Variants in ALDOB observed in about 807,000 individuals in gnomAD.
ALDOB encodes fructose-bisphosphate aldolase B.
Under a neutral mutation model 41.0 loss-of-function variants are expected in ALDOB, and 39 were observed. The ratio of observed to expected loss-of-function variants is 0.95; its 90% CI spans 0.74 to 1.24. The LOEUF (loss-of-function observed/expected upper bound fraction) is 1.24, where lower values mean the gene tolerates loss of function less well. ALDOB is among the 50% of genes most tolerant of loss of function. The pLI is 0.00. For missense variants in ALDOB, 530 were observed against 457.3 expected, an observed-to-expected ratio of 1.16 and a Z score of -1.45; for synonymous variants, 175 against 168.8, an observed-to-expected ratio of 1.04 and a Z score of -0.28.
intron 2 of ALDOB, 112 bp from the exon 3 acceptor site, chr9:101,430,078 T>G: frequency 1.0e-6 from 1 of 996,652 alleles, no homozygotes; most frequent in Non-Finnish European, 1.6e-6. Context: ...ACTTTCTTTT[T>G]TCAGATAGTC....
intron 8 of ALDOB, among the ~76,000 whole-genome samples, chr9:101,422,660 C>G (rs1831065587): frequency 6.6e-6 from 1 of 152,132 alleles, no homozygotes; most frequent in Non-Finnish European, 1.5e-5. Flanking sequence ...TACAAAAATA[C>G]AGTTAGGCAG....
chr9:101,425,684 A>G (rs1370641733), intron 6 of ALDOB, 57 bp from the exon 7 acceptor site: 8 of 1,581,692 alleles, frequency 5.1e-6, no homozygotes, highest in African/African-American at 1.3e-5. Flanking sequence ...GAGCCACTTG[A>G]CCTTGGCACA....
chr9:101,430,334 C>A (rs1376851390), intron 2 of ALDOB, among the ~76,000 whole-genome samples: 2 of 152,172 alleles, frequency 1.3e-5, no homozygotes, highest in East Asian at 1.9e-4. Flanking sequence ...GATTTTATGG[C>A]AGGCTGTGCA....
chr9:101,434,668 C>T (rs554209626), intron 1 of ALDOB, among the ~76,000 whole-genome samples: 26 of 152,232 alleles, frequency 1.7e-4, no homozygotes, highest in African/African-American at 5.3e-4. Context: ...TAGGGCAGTC[C>T]TAGGACAGCC....
At position 101,430,868 on chromosome 9, in the gene ALDOB, G is replaced by T; in HGVS notation, c.20C>A (p.Ala7Asp). The change falls in exon 2 of 9, where the codon GCC becomes GAC. Residue 7 changes from alanine to aspartate, a missense_variant. By Grantham distance (126) the Ala-to-Asp change is moderately radical (BLOSUM62 -2). Transcript: ENST00000647789. The stretch of plus-strand genomic sequence containing the variant: ...CTCCTTCTTCTGCTCCTGGGTGAGG[G>T]CTGGAAATCGGTGGGCCATGGTGAC... Reference protein sequence around the residue: MAHRFPALTQEQKKELS... With the variant: MAHRFPDLTQEQKKELS... The T allele has an allele frequency of 6.2e-7, 1 of 1,614,078 alleles. No homozygotes were observed. Among genetic ancestry groups the T allele is most frequent in the Admixed American group, 1.7e-5 (1 of 60,016 alleles).
chr9:101,425,715 G>T, intron 6 of ALDOB, 88 bp from the exon 7 acceptor site: 1 of 1,398,346 alleles, frequency 7.2e-7, no homozygotes, highest in Non-Finnish European at 1.0e-6. Context: ...AGGGAGGCAG[G>T]ATGAAGGAAT....
At chr9:101,429,174 T>G (rs969267037) in intron 3 of ALDOB, among the ~76,000 whole-genome samples, 2 of 151,580 alleles carry the variant, frequency 1.3e-5, no homozygotes, top group African/African-American at 4.8e-5. Flanking sequence ...CTTACTCTTT[T>G]TTTTTTTGAG....
Position 101,427,618 on chromosome 9 carries a change from C to T in ALDOB, c.404G>A (p.Cys135Tyr), listed in dbSNP as rs1446445760. ...IQGLDGLSER[C>Y]AQYKKDGVDF... ...AACACCATCTTTCTTGTACTGAGCACAGCGCTCTGAGAGGCCATCAAGCCC... is the reference window on the plus strand; with the variant it reads ...AACACCATCTTTCTTGTACTGAGCATAGCGCTCTGAGAGGCCATCAAGCCC... The change falls in exon 5 of 9, where the codon TGT becomes TAT. Residue 135 changes from cysteine (C) to tyrosine (Y), a missense_variant. Coordinates refer to ENST00000647789, the MANE Select transcript of ALDOB (RefSeq NM_000035.4). 4.3e-6 allele frequency: 7 copies of T among 1,613,996 alleles called. No individual in the cohort carries two copies. Among genetic ancestry groups the T allele is most frequent in the African/African-American group, 2.7e-5 (2 of 74,896 alleles).
At position 101,425,612 on chromosome 9, in the gene ALDOB, A is replaced by G. The variant is rs748157721; in HGVS notation, c.640T>C (p.Tyr214His). 3.7e-6 allele frequency: 6 copies of G among 1,614,114 alleles called. No individual in the cohort carries two copies. The highest frequency in any genetic ancestry group is 5.1e-6 in the Non-Finnish European group (6 of 1,180,020). The change falls in exon 7 of 9, where the codon TAC becomes CAC. Residue 214 changes from tyrosine (Y) to histidine (H), a missense_variant. By Grantham distance (83) the Tyr-to-His change is moderately conservative. Coordinates refer to ENST00000647789, the MANE Select transcript of ALDOB (RefSeq NM_000035.4). ...YVTEKVLAAV[Y>H]KALNDHHVYL... ...ACATGATGGTCATTCAGGGCCTTGT[A>G]GACAGCAGCCAGGACCTGAAGGACA...
intron 8 of ALDOB, among the ~76,000 whole-genome samples, chr9:101,422,932 C>T (rs556352453): frequency 6.6e-6 from 1 of 151,904 alleles, no homozygotes; most frequent in South Asian, 2.1e-4. Context: ...ACCAAAATCA[C>T]CTTCAGGTGA....
intron 8 of ALDOB, among the ~76,000 whole-genome samples, chr9:101,422,747 G>T (rs1389294220): frequency 6.6e-6 from 1 of 152,176 alleles, no homozygotes; most frequent in East Asian, 1.9e-4. Flanking sequence ...TTTTAAAATA[G>T]CTGGAAGAGA....
In ALDOB at chr9:101,430,764, T is replaced by G; in HGVS notation, c.112+12A>C. 6.3e-7 allele frequency: 1 copy of G among 1,592,312 alleles called. No homozygotes were observed. The highest frequency in any genetic ancestry group is 8.6e-7 in the Non-Finnish European group (1 of 1,160,048). ...TATGTTGTTATATGATGAGACTGCT[T>G]TTTACACTCACCTACAGATTCATCT... On this transcript the variant is annotated intron_variant, in intron 2 of 8. Coordinates refer to ENST00000647789, the MANE Select transcript of ALDOB (RefSeq NM_000035.4).
rs1831111884 is a variant in ALDOB at position 101,425,436 on chromosome 9, A to G, written c.799+17T>C. On this transcript the variant is annotated intron_variant, in intron 7 of 8. Coordinates refer to ENST00000647789, the MANE Select transcript of ALDOB (RefSeq NM_000035.4). Reference sequence around the variant, plus strand: ...TGAGGGCTAAGACCTTGAGTTAGAGAAGAAAGAAGGCCTTACCAGGAACAG... The same window carrying G: ...TGAGGGCTAAGACCTTGAGTTAGAGGAGAAAGAAGGCCTTACCAGGAACAG... 6.2e-7 allele frequency: 1 copy of G among 1,613,854 alleles called. No individual in the cohort carries two copies. The highest frequency in any genetic ancestry group is 1.7e-5 in the Admixed American group (1 of 60,024).
At chr9:101,435,458 A>G (rs974293821) in intron 1 of ALDOB, among the ~76,000 whole-genome samples, 1 of 152,190 alleles carries the variant, frequency 6.6e-6, no homozygotes, top group African/African-American at 2.4e-5. Flanking sequence ...CAGGTAACAC[A>G]AGTAACTGGC....
intron 6 of ALDOB, among the ~76,000 whole-genome samples, chr9:101,425,984 G>A (rs904350264): frequency 3.3e-5 from 5 of 152,014 alleles, no homozygotes; most frequent in Admixed American, 2.0e-4. Flanking sequence ...TCATCTAAAC[G>A]GGCCTCCACT....
chr9:101,427,532 T>C lies in ALDOB; in HGVS notation c.490A>G (p.Ile164Val). 2 of 1,614,170 alleles carry C rather than the reference T, an allele frequency of 1.2e-6. No individual in the cohort carries two copies. The highest frequency in any genetic ancestry group is 1.7e-6 in the Non-Finnish European group (2 of 1,180,032). ...GCCAGGGCGTTGGCGTTTTCCTGGATAGCGAGGCTGGATGGACACTGGTCG... is the reference window on the plus strand; with the variant it reads ...GCCAGGGCGTTGGCGTTTTCCTGGACAGCGAGGCTGGATGGACACTGGTCG... ...IADQCPSSLA[I>V]QENANALARY... Residue 164 changes from isoleucine to valine, a missense_variant, in exon 5 of 9, where the codon ATC (isoleucine) becomes GTC (valine). Ile to Val is a conservative substitution (Grantham distance 29, BLOSUM62 3). Coordinates refer to ENST00000647789, the MANE Select transcript of ALDOB (RefSeq NM_000035.4).
chr9:101,423,649 C>T (rs542433717), intron 8 of ALDOB, among the ~76,000 whole-genome samples: 1 of 152,260 alleles, frequency 6.6e-6, no homozygotes. Context: ...TCTGCCTCTT[C>T]CCTCCTTTTT....
At chr9:101,424,155 T>C (rs1831089301) in intron 8 of ALDOB, among the ~76,000 whole-genome samples, 1 of 152,182 alleles carries the variant, frequency 6.6e-6, no homozygotes, top group African/African-American at 2.4e-5. Context: ...TGGTGGCTCA[T>C]GTCTGTAATC....
chr9:101,423,156 A>T (rs1366543909), intron 8 of ALDOB, among the ~76,000 whole-genome samples: 1 of 152,076 alleles, frequency 6.6e-6, no homozygotes, highest in Non-Finnish European at 1.5e-5. Flanking sequence ...TACCTCTCTT[A>T]TGCCTGTGAG....
Sources: allele counts gnomAD v4.1 joint callset (sites outside exome capture counted in the v4.1 genomes callset), GRCh38; gene constraint gnomAD v4.1.1; transcripts MANE v1.5; gene names NCBI Gene and HGNC (gene_info 2026-07-23, HGNC 2026-07-21).